The following KAT6B variants were observed in gnomAD, a reference collection of about 807,000 sequenced individuals.
KAT6B encodes lysine acetyltransferase 6B.
Under a neutral mutation model 187.5 loss-of-function variants are expected in KAT6B, and 10 were observed. The observed-to-expected ratio is 0.05, with a 90% confidence interval of 0.03 to 0.09. The LOEUF (loss-of-function observed/expected upper bound fraction) is 0.09, where lower values mean the gene tolerates loss of function less well. KAT6B is among the 10% of genes least tolerant of loss of function. The pLI, the probability that KAT6B is intolerant of heterozygous loss-of-function variation, is 1.00. For synonymous variants in KAT6B, 861 were observed against 926.8 expected (o/e 0.93, Z 1.29); for missense variants, 1,952 against 2,558.9 (o/e 0.76, Z 5.12).
Position 74,975,974 on chromosome 10 carries a change from G to A in KAT6B, c.1637G>A (p.Gly546Glu). 2.5e-6 allele frequency: 4 copies of A among 1,614,050 alleles called. No individual in the cohort carries two copies. The highest frequency in any genetic ancestry group is 2.5e-6 in the Non-Finnish European group (3 of 1,180,010). The change falls in exon 8 of 18, where the codon GGG becomes GAG. Residue 546 changes from glycine (G) to glutamate (E), a missense_variant. Gly to Glu is a moderately conservative substitution (Grantham distance 98). Transcript: ENST00000287239. ...AGCCAGCTGAAGGCACTCTTTGATGGGCTTTCTCATATCTATACCACTCAG... is the reference window on the plus strand; with the variant it reads ...AGCCAGCTGAAGGCACTCTTTGATGAGCTTTCTCATATCTATACCACTCAG... ...TNSQLKALFDGLSHIYTTQGQ... is the reference protein window; with the variant it reads ...TNSQLKALFDELSHIYTTQGQ...
intron 3 of KAT6B, among the ~76,000 whole-genome samples, chr10:74,959,424 A>G (rs904194370): frequency 1.3e-5 from 2 of 152,226 alleles, no homozygotes; most frequent in Non-Finnish European, 2.9e-5. Context: ...GGCAAGCTAT[A>G]TAATATATAA....
In KAT6B at chr10:74,975,740, T is replaced by G. The variant is rs778217736; in HGVS notation, c.1403T>G (p.Val468Gly). The change falls in exon 8 of 18, where the codon GTC (valine) becomes GGC (glycine). Residue 468 changes from valine (V) to glycine (G), a missense_variant. By Grantham distance (109) the Val-to-Gly change is moderately radical (BLOSUM62 -3). Transcript: ENST00000287239. ...FSKHYRPRKKVSQKQSCTSHV... is the reference protein window; with the variant it reads ...FSKHYRPRKKGSQKQSCTSHV... ...AAGCACTATCGTCCAAGGAAAAAGG[T>G]CTCTCAGAAACAGTCATGCACTTCT... is the stretch of plus-strand genomic sequence containing the variant. 5 of 1,614,048 alleles carry G rather than the reference T, an allele frequency of 3.1e-6. No homozygotes were observed. In the East Asian group the frequency reaches 1.1e-4, roughly 36 times the overall value.
intron 3 of KAT6B, among the ~76,000 whole-genome samples, chr10:74,915,515 TTC>T (rs1297018684): frequency 1.3e-5 from 2 of 152,224 alleles, no homozygotes; most frequent in Non-Finnish European, 2.9e-5. Flanking sequence ...TTCCTTTGCA[TTC>T]TGTTTTTCAT....
At chr10:74,929,805 A>G (rs964941594) in intron 3 of KAT6B, among the ~76,000 whole-genome samples, 2 of 152,206 alleles carry the variant, frequency 1.3e-5, no homozygotes, top group African/African-American at 4.8e-5. Context: ...CAAGTAGGTG[A>G]TAGCCACCAT....
chr10:74,976,007 C>G lies in KAT6B; in HGVS notation c.1670C>G (p.Ser557Cys). Residue 557 changes from serine (S) to cysteine (C), a missense_variant, in exon 8 of 18, where the codon TCT becomes TGT. Physicochemically the swap from Ser to Cys is moderately radical, Grantham distance 112. Around this residue, in one of 9 missense-constraint regions of KAT6B, gnomAD observed 417 missense variants for 508.9 expected, o/e 0.82. Coordinates refer to ENST00000287239, the MANE Select transcript of KAT6B (RefSeq NM_012330.4). ...LSHIYTTQGQ[S>C]RKKGHPSYAP... ...CATATCTATACCACTCAGGGACAGTCTCGCAAAAAGGGACACCCGAGTTAT... is the reference window on the plus strand; with the variant it reads ...CATATCTATACCACTCAGGGACAGTGTCGCAAAAAGGGACACCCGAGTTAT... The G allele has an allele frequency of 6.2e-7, 1 of 1,614,092 alleles. No individual in the cohort carries two copies. The highest frequency in any genetic ancestry group is 8.5e-7 in the Non-Finnish European group (1 of 1,180,008).
At position 75,028,752 on chromosome 10, in the gene KAT6B, G is replaced by A. The variant is rs201959220; in HGVS notation, c.3928G>A (p.Glu1310Lys). Residue 1310 changes from glutamate (E) to lysine (K), a missense_variant, in exon 18 of 18, where the codon GAG (glutamate) becomes AAG (lysine). This residue lies in a region of KAT6B where 758 missense variants were observed against 891.4 expected (regional missense o/e 0.85). Transcript: ENST00000287239. ...TSPSPIRIEE[E>K]VKETGEALLP... ...CCCCAGTCCCATCAGGATTGAGGAG[G>A]AGGTCAAGGAAACTGGGGAAGCCCT... 1.9e-6 allele frequency: 3 copies of A among 1,613,994 alleles called. No individual in the cohort carries two copies. The highest frequency in any genetic ancestry group is 2.5e-6 in the Non-Finnish European group (3 of 1,180,046).
chr10:74,997,444 TGCTTTTA>T (rs1843516323), intron 13 of KAT6B, among the ~76,000 whole-genome samples: 1 of 152,184 alleles, frequency 6.6e-6, no homozygotes, highest in African/African-American at 2.4e-5. Flanking sequence ...TTGAGATATG[TGCTTTTA>T]GCCCCATTCT....
At chr10:74,876,284 A>C (rs966746629) in intron 3 of KAT6B, among the ~76,000 whole-genome samples, 1 of 152,086 alleles carries the variant, frequency 6.6e-6, no homozygotes, top group African/African-American at 2.4e-5. Context: ...CTAGGAGCAC[A>C]TCTCTCCTAT....
rs148127552 is a variant in KAT6B at position 74,834,583 on chromosome 10, A to G, written c.-328-4100A>G. On this transcript the variant is annotated intron_variant, in intron 1 of 17. Coordinates refer to ENST00000287239, the MANE Select transcript of KAT6B (RefSeq NM_012330.4). ...GCCTAGGCTGGAGAGCAGTGGCACA[A>G]TCATAGCCCACTGTGGCCTCAACCT... is the stretch of plus-strand genomic sequence containing the variant. Among the ~76,000 whole-genome samples the G allele has an allele frequency of 1.6e-4, 24 of 152,226 alleles. No homozygotes were observed. In the East Asian group the frequency reaches 4.5e-3, roughly 28 times the overall value.
chr10:74,911,977 T>C lies in KAT6B; in HGVS notation c.622-47993T>C, dbSNP rs1246436353. On this transcript the variant is annotated intron_variant, in intron 3 of 17. Coordinates refer to ENST00000287239, the MANE Select transcript of KAT6B (RefSeq NM_012330.4). ...TATGCCACCATGCCCACCTAATTTT[T>C]AATTTTTTTGTAGAGACAGAGTTTT... is the stretch of plus-strand genomic sequence containing the variant. Among the ~76,000 whole-genome samples the C allele has an allele frequency of 2.0e-5, 3 of 152,146 alleles. No homozygotes were observed. The East Asian group carries it at 5.8e-4, about 29-fold the overall frequency.
chr10:74,927,054 A>G (rs775018297), intron 3 of KAT6B, among the ~76,000 whole-genome samples: 10 of 152,252 alleles, frequency 6.6e-5, no homozygotes, highest in Admixed American at 1.3e-4. Context: ...CTGCACCACT[A>G]TAGTTCCTTG....
At chr10:75,001,859 C>T (rs912287064) in intron 13 of KAT6B, among the ~76,000 whole-genome samples, 16 of 152,134 alleles carry the variant, frequency 1.1e-4, no homozygotes, top group African/African-American at 3.6e-4. Flanking sequence ...GACTGTATTA[C>T]GCCCCCTGGA....
intron 3 of KAT6B, among the ~76,000 whole-genome samples, chr10:74,868,322 A>G (rs963387010): frequency 7.2e-5 from 11 of 152,282 alleles, no homozygotes; most frequent in African/African-American, 2.6e-4. Context: ...CTCCTGCTTC[A>G]GCTTCCCAAA....
intron 4 of KAT6B, 49 bp downstream of exon 4, chr10:74,960,127 A>G (rs774731377): frequency 4.2e-5 from 47 of 1,112,072 alleles, no homozygotes; most frequent in Middle Eastern, 3.9e-4. Flanking sequence ...CCATTATCAT[A>G]GCTTCATGCT....
intron 1 of KAT6B, among the ~76,000 whole-genome samples, chr10:74,829,022 AAG>A (rs1455903310): frequency 1.3e-5 from 2 of 150,908 alleles, no homozygotes; most frequent in Admixed American, 6.6e-5. Context: ...AAAAAAAAAA[AAG>A]AAAAGAAAAG....
At chr10:74,867,918 C>A (rs1843668304) in intron 3 of KAT6B, among the ~76,000 whole-genome samples, 1 of 152,042 alleles carries the variant, frequency 6.6e-6, no homozygotes, top group Non-Finnish European at 1.5e-5. Context: ...AGTGAATGAG[C>A]AAAAATATTT....
At chr10:74,860,608 C>T (rs548829996) in intron 3 of KAT6B, among the ~76,000 whole-genome samples, 3 of 152,184 alleles carry the variant, frequency 2.0e-5, no homozygotes, top group East Asian at 3.9e-4. Context: ...TTTCTTCGGG[C>T]GAAATCAACA....
chr10:74,857,361 T>C (rs1842888932), intron 3 of KAT6B, among the ~76,000 whole-genome samples: 1 of 152,232 alleles, frequency 6.6e-6, no homozygotes, highest in South Asian at 2.1e-4. Context: ...CCTTGACTCA[T>C]GATCCCTTCC....
At chr10:74,959,070 A>T (rs1159527680) in intron 3 of KAT6B, among the ~76,000 whole-genome samples, 1 of 151,452 alleles carries the variant, frequency 6.6e-6, no homozygotes, top group Non-Finnish European at 1.5e-5. Flanking sequence ...ATAAATAAAT[A>T]AGGTGAGAAT....
Sources: gnomAD v4.1 joint callset for allele counts (sites outside exome capture counted in the v4.1 genomes callset) on GRCh38, gnomAD v4.1.1 for gene constraint, gnomAD v4.1.1 regional missense constraint, MANE v1.5 for transcripts, NCBI Gene and HGNC (gene_info 2026-07-23, HGNC 2026-07-21) for gene names.